Variants in MAGI2 observed in about 807,000 individuals in gnomAD.
MAGI2 encodes the protein membrane-associated guanylate kinase, WW and PDZ domain-containing protein 2.
In MAGI2, 35 loss-of-function variants were observed where a neutral mutation model predicts 133.3. The observed-to-expected ratio is 0.26, with a 90% CI of 0.20 to 0.35. The LOEUF is 0.35. MAGI2 is among the 10% of genes least tolerant of loss of function. The pLI, the probability that MAGI2 is intolerant of heterozygous loss-of-function variation, is 1.00. For synonymous variants in MAGI2, 729 were observed against 710.6 expected (o/e 1.03, Z -0.41); for missense variants, 1,636 against 1,863.4 (o/e 0.88, Z 2.25).
chr7:79,109,005 C>T (rs547977596), intron 1 of MAGI2, among the ~76,000 whole-genome samples: 4 of 152,322 alleles, frequency 2.6e-5, no homozygotes, highest in African/African-American at 9.6e-5. Context: ...TGAGCAGATG[C>T]TAGTACCATG....
chr7:78,730,610 C>T (rs1821276440), intron 2 of MAGI2, among the ~76,000 whole-genome samples: 2 of 152,092 alleles, frequency 1.3e-5, no homozygotes, highest in Non-Finnish European at 2.9e-5. Flanking sequence ...AGCGCAAAGA[C>T]ATGCTAAGTT....
intron 1 of MAGI2, among the ~76,000 whole-genome samples, chr7:79,031,213 A>G (rs1810536639): frequency 6.6e-6 from 1 of 151,708 alleles, no homozygotes; most frequent in Non-Finnish European, 1.5e-5. Flanking sequence ...ATCTCCCACA[A>G]CTCCATTCTC....
intron 3 of MAGI2, among the ~76,000 whole-genome samples, chr7:78,532,329 GATGCATTTGCTTTCCTGAC>G (rs1344604942): frequency 6.6e-6 from 1 of 152,182 alleles, no homozygotes; most frequent in East Asian, 1.9e-4. Context: ...TGAGAACCTG[GATGCATTTGCTTTCCTGAC>G]ATAATGTGGA....
intron 9 of MAGI2, among the ~76,000 whole-genome samples, chr7:78,303,738 G>A (rs938857025): frequency 6.6e-6 from 1 of 152,054 alleles, no homozygotes; most frequent in Non-Finnish European, 1.5e-5. Flanking sequence ...AATGTTAGGG[G>A]TTTATTCTAA....
intron 2 of MAGI2, among the ~76,000 whole-genome samples, chr7:78,686,446 A>G (rs1816325521): frequency 6.6e-6 from 1 of 151,774 alleles, no homozygotes; most frequent in Non-Finnish European, 1.5e-5. Context: ...CGTTTGTGTA[A>G]TTTGTGTCCC....
chr7:78,173,694 C>A (rs550698255), intron 14 of MAGI2, among the ~76,000 whole-genome samples: 1 of 152,136 alleles, frequency 6.6e-6, no homozygotes, highest in South Asian at 2.1e-4. Context: ...TGGTTGAAGG[C>A]TCAATTGGCA....
chr7:78,655,440 CAAAAAAAAACAACCAAAAAAAAAAAA>C (rs1029706055), intron 2 of MAGI2, among the ~76,000 whole-genome samples: 1 of 28,852 alleles, frequency 3.5e-5, no homozygotes, highest in African/African-American at 1.5e-4. Context: ...AAAAAACAAA[CAAAAAAAAACAACCAAAAAAAAAAAA>C]AAAAAAAAAC....
chr7:79,065,212 T>C (rs963980510), intron 1 of MAGI2, among the ~76,000 whole-genome samples: 6 of 152,150 alleles, frequency 3.9e-5, no homozygotes, highest in African/African-American at 1.2e-4. Flanking sequence ...CATTCCATTA[T>C]ACAGTTGTTT....
intron 1 of MAGI2, among the ~76,000 whole-genome samples, chr7:79,103,659 T>C (rs574556619): frequency 9.9e-4 from 151 of 152,196 alleles, no homozygotes; most frequent in African/African-American, 3.3e-3. Context: ...CAGGACTTTC[T>C]AGAAAGCTGG....
chr7:78,380,621 A>C (rs1416988844), intron 6 of MAGI2, among the ~76,000 whole-genome samples: 1 of 152,108 alleles, frequency 6.6e-6, no homozygotes, highest in African/African-American at 2.4e-5. Context: ...GGAAGGGGGG[A>C]TAGTTAAAGG....
intron 2 of MAGI2, among the ~76,000 whole-genome samples, chr7:78,715,095 G>C (rs1285461471): frequency 1.3e-5 from 2 of 152,194 alleles, no homozygotes; most frequent in Non-Finnish European, 2.9e-5. Flanking sequence ...TATTTACTAA[G>C]AGAGTTTAAT....
intron 6 of MAGI2, among the ~76,000 whole-genome samples, chr7:78,409,562 T>C (rs753349544): frequency 1.3e-5 from 2 of 152,104 alleles, no homozygotes; most frequent in Non-Finnish European, 2.9e-5. Flanking sequence ...GACTAATCCA[T>C]TTACTCTTGA....
At chr7:78,578,754 G>C (rs1381071433) in intron 3 of MAGI2, among the ~76,000 whole-genome samples, 4 of 152,078 alleles carry the variant, frequency 2.6e-5, no homozygotes, top group Non-Finnish European at 5.9e-5. Context: ...TCCTCTATTT[G>C]AATTGCTAAT....
intron 9 of MAGI2, among the ~76,000 whole-genome samples, chr7:78,282,127 G>A (rs574387908): frequency 2.0e-5 from 3 of 152,220 alleles, no homozygotes; most frequent in South Asian, 4.1e-4. Context: ...TAAAGCATGT[G>A]TAGTACTATT....
At chr7:78,436,988 G>C (rs1800353154) in intron 6 of MAGI2, among the ~76,000 whole-genome samples, 1 of 152,176 alleles carries the variant, frequency 6.6e-6, no homozygotes, top group South Asian at 2.1e-4. Flanking sequence ...CTCTAAGGCT[G>C]ATCTATACCA....
chr7:78,937,646 A>T (rs1800618550), intron 2 of MAGI2, among the ~76,000 whole-genome samples: 1 of 152,140 alleles, frequency 6.6e-6, no homozygotes, highest in South Asian at 2.1e-4. Flanking sequence ...ATAATGGGGA[A>T]TTATCACAAG....
At chr7:79,362,121 C>G (rs941508540) in intron 1 of MAGI2, among the ~76,000 whole-genome samples, 4 of 149,364 alleles carry the variant, frequency 2.7e-5, no homozygotes, top group Non-Finnish European at 5.9e-5. Flanking sequence ...ATCAATAAAA[C>G]ACATAGCTTT....
At position 78,495,865 on chromosome 7, in the gene MAGI2, T is replaced by C. The variant is rs538164644; in HGVS notation, c.965+5712A>G. ...TTTCTGTCTGGAAATTACACCAGAATCTTGTGCAGGCACAAGAAAAAAAAT... is the reference window on the plus strand; with the variant it reads ...TTTCTGTCTGGAAATTACACCAGAACCTTGTGCAGGCACAAGAAAAAAAAT... On this transcript the variant is annotated intron_variant, in intron 5 of 21. Transcript: ENST00000354212. 3.3e-5 allele frequency among the ~76,000 whole-genome samples: 5 copies of C among 152,272 alleles called. No homozygotes were observed. The South Asian group carries it at 6.2e-4, about 19-fold the overall frequency.
At chr7:78,416,093 G>T (rs531286119) in intron 6 of MAGI2, among the ~76,000 whole-genome samples, 18 of 152,180 alleles carry the variant, frequency 1.2e-4, no homozygotes, top group African/African-American at 3.6e-4. Context: ...GCCAATGTGT[G>T]GTGACAGCGA....
Sources: allele counts gnomAD v4.1 joint callset (sites outside exome capture counted in the v4.1 genomes callset), GRCh38; gene constraint gnomAD v4.1.1; transcripts MANE v1.5; gene names NCBI Gene and HGNC (gene_info 2026-07-23, HGNC 2026-07-21).